Variants in BTBD17 observed in about 807,000 individuals in gnomAD.
The protein encoded by BTBD17 is BTB domain containing 17, also known as BTB/POZ domain-containing protein 17.
Under a neutral mutation model 36.9 loss-of-function variants are expected in BTBD17, and 26 were observed. The ratio of observed to expected loss-of-function variants is 0.70; its 90% CI spans 0.52 to 0.98. The LOEUF is 0.98. BTBD17 is among the 50% of genes least tolerant of loss of function. The probability of loss-of-function intolerance (pLI) is 0.00; values close to 1 mark genes in which losing one functional copy is unlikely to be tolerated. For synonymous variants in BTBD17, 341 were observed against 338.0 expected (o/e 1.01, Z -0.10); for missense variants, 630 against 691.3 (o/e 0.91, Z 0.99).
chr17:74,357,464 G>A lies in BTBD17; in HGVS notation c.630C>T (p.Pro210=), dbSNP rs922141420. ...AASTEWGAVS[P]ELLWQLLQRS... ...GTTGCAGGAGCTGCCAGAGCAGCTC[G>A]GGGCTCACGGCGCCCCACTCGGTGC... Residue 210 remains proline, a synonymous_variant, in exon 3 of 3, where the codon CCC becomes CCT. Transcript: ENST00000375366. The surrounding 1 kb of genome is among the most constrained non-coding windows in gnomAD (Gnocchi z 8.4). The A allele has an allele frequency of 1.3e-4, 204 of 1,577,274 alleles. No individual in the cohort carries two copies. Among genetic ancestry groups the A allele is most frequent in the Non-Finnish European group, 1.7e-4 (199 of 1,170,484 alleles).
intron 2 of BTBD17, among the ~76,000 whole-genome samples, chr17:74,358,475 C>CTTTTTTTT (rs1204577844): frequency 3.3e-5 from 2 of 60,120 alleles, no homozygotes; most frequent in African/African-American, 1.3e-4. Flanking sequence ...GACACTCCAG[C>CTTTTTTTT]TTTTTTTTTT....
At position 74,357,690 on chromosome 17, in the gene BTBD17, G is replaced by A; in HGVS notation, c.404C>T (p.Ala135Val). 3 of 1,547,578 alleles carry A rather than the reference G, an allele frequency of 1.9e-6. No homozygotes were observed. Among genetic ancestry groups the A allele is most frequent in the Non-Finnish European group, 1.7e-6 (2 of 1,147,444 alleles). Residue 135 changes from alanine to valine, a missense_variant, in exon 3 of 3, where the codon GCC becomes GTC. Physicochemically the swap from Ala to Val is moderately conservative, Grantham distance 64. Transcript: ENST00000375366. The surrounding 1 kb of genome is among the most constrained non-coding windows in gnomAD (Gnocchi z 8.4). ...GGTGGCCAGTCTGTGCAGGGGGATGGCCTGGGTCAGCAGCACGGTCAGCTC... is the reference window on the plus strand; with the variant it reads ...GGTGGCCAGTCTGTGCAGGGGGATGACCTGGGTCAGCAGCACGGTCAGCTC... ...CGELTVLLTQ[A>V]IPLHRLATKY...
At position 74,356,448 on chromosome 17, in the gene BTBD17, C is replaced by G. The variant is rs949202517; in HGVS notation, c.*209G>C. 1.3e-6 allele frequency: 1 copy of G among 793,972 alleles called. No individual in the cohort carries two copies. The highest frequency in any genetic ancestry group is 1.8e-5 in the African/African-American group (1 of 55,788). 49.2% of individuals were successfully genotyped at this position (793,972 alleles called of 1,614,324 possible). A position where few individuals can be genotyped will look rare whatever the true frequency, so the allele number is the denominator to read the frequency against. On this transcript the variant is annotated 3_prime_UTR_variant, in exon 3 of 3. Transcript: ENST00000375366. This position sits in a 1 kb window ranked among gnomAD's most constrained non-coding sequence, Gnocchi z 4.3. ...CTCTGAGCATCGGTTTATTCAGGAC[C>G]AAGAACGTTCCTTCAAGTCAGCTGT...
intron 1 of BTBD17, among the ~76,000 whole-genome samples, chr17:74,360,573 A>C (rs930038259): frequency 7.9e-5 from 12 of 152,192 alleles, no homozygotes; most frequent in African/African-American, 2.7e-4. Context: ...CCAGCCCCCC[A>C]GGCAAGGGTT....
In BTBD17 at chr17:74,356,699, G is replaced by A. The variant is rs138518452; in HGVS notation, c.1395C>T (p.Ile465=). The change falls in exon 3 of 3, where the codon ATC becomes ATT. Residue 465 remains isoleucine (I), a synonymous_variant. Transcript: ENST00000375366. This position sits in a 1 kb window ranked among gnomAD's most constrained non-coding sequence, Gnocchi z 4.3. Reference sequence around the variant, plus strand: ...TAAGGGTGTGGTATACGGGCTTGACGATGAGGTGCAGGTGCAGGGCGTTCT... The same window carrying A: ...TAAGGGTGTGGTATACGGGCTTGACAATGAGGTGCAGGTGCAGGGCGTTCT... ...LVENALHLHL[I]VKPVYHTLIR... is the part of the protein sequence containing the mutation. The A allele has an allele frequency of 1.2e-5, 19 of 1,580,486 alleles. No individual in the cohort carries two copies. The Admixed American group carries it at 1.8e-4, about 15-fold the overall frequency.
chr17:74,359,877 C>G, intron 2 of BTBD17, 92 bp downstream of exon 2: 1 of 1,358,412 alleles, frequency 7.4e-7, no homozygotes, highest in Non-Finnish European at 1.0e-6. Context: ...ACATAACAAC[C>G]TCTAAGGGCC....
rs763499874 is a variant in BTBD17 at position 74,357,215 on chromosome 17, G to C, written c.879C>G (p.His293Gln). The change falls in exon 3 of 3, where the codon CAC becomes CAG. Residue 293 changes from histidine to glutamine, a missense_variant. Transcript: ENST00000375366. This position sits in a 1 kb window ranked among gnomAD's most constrained non-coding sequence, Gnocchi z 8.4. ...ADLLLQAYQF[H>Q]AASPLHYAKF... ...TGGCGTAGTGCAGCGGCGACGCGGC[G>C]TGGAACTGGTAGGCCTGCAGCAGGA... The C allele has an allele frequency of 6.3e-7, 1 of 1,575,694 alleles. No homozygotes were observed. The highest frequency in any genetic ancestry group is 1.8e-5 in the Admixed American group (1 of 54,882).
chr17:74,357,168 C>T lies in BTBD17; in HGVS notation c.926G>A (p.Ser309Asn), dbSNP rs1368221367. 2 of 1,548,040 alleles carry T rather than the reference C, an allele frequency of 1.3e-6. No homozygotes were observed. The highest frequency in any genetic ancestry group is 1.7e-6 in the Non-Finnish European group (2 of 1,152,588). Residue 309 changes from serine to asparagine, a missense_variant, in exon 3 of 3, where the codon AGC becomes AAC. Coordinates refer to ENST00000375366, the MANE Select transcript of BTBD17 (RefSeq NM_001080466.2). This position sits in a 1 kb window ranked among gnomAD's most constrained non-coding sequence, Gnocchi z 8.4. ...GAGGTAGTTGCGGGGCAGGAAGGCG[C>T]TGCCGTTGACGTCGAAGAACTTGGC... is the stretch of plus-strand genomic sequence containing the variant. ...HYAKFFDVNG[S>N]AFLPRNYLAP...
chr17:74,358,493 T>A (rs2144322546), intron 2 of BTBD17, among the ~76,000 whole-genome samples: 1 of 147,892 alleles, frequency 6.8e-6, no homozygotes, highest in East Asian at 2.0e-4. Flanking sequence ...TTTTTTTTTT[T>A]TTTTTTTGAG....
chr17:74,359,017 C>T (rs988967479), intron 2 of BTBD17, among the ~76,000 whole-genome samples: 1 of 152,154 alleles, frequency 6.6e-6, no homozygotes, highest in Non-Finnish European at 1.5e-5. Flanking sequence ...AACTTGGAAG[C>T]AATGTATGGA....
At chr17:74,362,986 G>A (rs2054950292), upstream of BTBD17, among the ~76,000 whole-genome samples, 1 of 151,946 alleles carries the variant, frequency 6.6e-6, no homozygotes, top group African/African-American at 2.4e-5. Context: ...GTGTGTGTGT[G>A]TGTAGGGTGG....
chr17:74,362,545 G>A (rs2054947125), upstream of BTBD17, among the ~76,000 whole-genome samples: 1 of 152,216 alleles, frequency 6.6e-6, no homozygotes, highest in South Asian at 2.1e-4. Context: ...AGCTGAGCCA[G>A]GTGGCAGGGC....
chr17:74,361,012 T>C (rs2054934397), intron 1 of BTBD17, among the ~76,000 whole-genome samples: 1 of 152,164 alleles, frequency 6.6e-6, no homozygotes, highest in Non-Finnish European at 1.5e-5. Flanking sequence ...GGCCCAGCCC[T>C]GCCCTCTTGG....
Position 74,357,150 on chromosome 17 carries a change from T to C in BTBD17, c.944A>G (p.Asn315Ser). 6.5e-7 allele frequency: 1 copy of C among 1,537,968 alleles called. No homozygotes were observed. Among genetic ancestry groups the C allele is most frequent in the Non-Finnish European group, 8.7e-7 (1 of 1,148,704 alleles). ...GGCGCCCCAGGCGGGCGCGAGGTAGTTGCGGGGCAGGAAGGCGCTGCCGTT... is the reference window on the plus strand; with the variant it reads ...GGCGCCCCAGGCGGGCGCGAGGTAGCTGCGGGGCAGGAAGGCGCTGCCGTT... Reference protein sequence around the residue: ...DVNGSAFLPRNYLAPAWGAPW... With the variant: ...DVNGSAFLPRSYLAPAWGAPW... Residue 315 changes from asparagine to serine, a missense_variant, in exon 3 of 3, where the codon AAC (asparagine) becomes AGC (serine). Transcript: ENST00000375366. This position sits in a 1 kb window ranked among gnomAD's most constrained non-coding sequence, Gnocchi z 8.4.
At chr17:74,359,222 T>C (rs1394582554) in intron 2 of BTBD17, among the ~76,000 whole-genome samples, 4 of 151,956 alleles carry the variant, frequency 2.6e-5, no homozygotes, top group Admixed American at 2.6e-4. Context: ...AAATAAAAAA[T>C]ATTCGTCTAT....
Position 74,357,233 on chromosome 17 carries a change from C to A in BTBD17, c.861G>T (p.Leu287=), listed in dbSNP as rs2144319718. The A allele has an allele frequency of 1.9e-6, 3 of 1,575,298 alleles. No homozygotes were observed. Among genetic ancestry groups the A allele is most frequent in the Non-Finnish European group, 2.6e-6 (3 of 1,164,672 alleles). ...ACGCGGCGTGGAACTGGTAGGCCTG[C>A]AGCAGGAGGTCGGCCACCGCGGGGC... ...RHGPAVADLL[L]QAYQFHAASP... Residue 287 remains leucine, a synonymous_variant, in exon 3 of 3, where the codon CTG becomes CTT. Transcript: ENST00000375366. The surrounding 1 kb of genome is among the most constrained non-coding windows in gnomAD (Gnocchi z 8.4).
Position 74,357,651 on chromosome 17 carries a change from G to A in BTBD17, c.443C>T (p.Ser148Phe), listed in dbSNP as rs1261650472. 6 of 1,550,410 alleles carry A rather than the reference G, an allele frequency of 3.9e-6. No individual in the cohort carries two copies. Among genetic ancestry groups the A allele is most frequent in the East Asian group, 2.4e-5 (1 of 41,236 alleles). ...GTCGGCCACGCCGCGCTGCAGGGAG[G>A]ACACGCCGTACTTGGTGGCCAGTCT... The part of the protein sequence containing the change: ...LHRLATKYGV[S>F]SLQRGVADYM... The change falls in exon 3 of 3, where the codon TCC (serine) becomes TTC (phenylalanine). Residue 148 changes from serine (S) to phenylalanine (F), a missense_variant. Coordinates refer to ENST00000375366, the MANE Select transcript of BTBD17 (RefSeq NM_001080466.2). The surrounding 1 kb of genome is among the most constrained non-coding windows in gnomAD (Gnocchi z 8.4).
chr17:74,361,905 G>C (rs2054942811), upstream of BTBD17: 3 of 1,110,700 alleles, frequency 2.7e-6, no homozygotes, highest in African/African-American at 3.1e-5. Flanking sequence ...ATAGGATCCG[G>C]CACAAGGGGA....
At position 74,360,158 on chromosome 17, in the gene BTBD17, C is replaced by T. The variant is rs746849361; in HGVS notation, c.173G>A (p.Arg58Gln). ...AVLQRLQELL[R>Q]QGNASDVVLR... ...AACCACATCGCTGGCGTTGCCCTGC[C>T]GCAGCAGCTCCTGCAAGCGCTGGAG... The change falls in exon 2 of 3, where the codon CGG becomes CAG. Residue 58 changes from arginine to glutamine, a missense_variant. Coordinates refer to ENST00000375366, the MANE Select transcript of BTBD17 (RefSeq NM_001080466.2). The T allele has an allele frequency of 1.2e-5, 19 of 1,612,426 alleles. No homozygotes were observed. Among genetic ancestry groups the T allele is most frequent in the Non-Finnish European group, 1.4e-5 (16 of 1,179,744 alleles).
Sources: gnomAD v4.1 joint callset for allele counts (sites outside exome capture counted in the v4.1 genomes callset) on GRCh38, gnomAD v4.1.1 for gene constraint, Gnocchi (gnomAD v3.1) non-coding constraint, MANE v1.5 for transcripts, NCBI Gene and HGNC (gene_info 2026-07-23, HGNC 2026-07-21) for gene names.